PCDHA3: variants seen among roughly 807,000 people sequenced by gnomAD.
PCDHA3 encodes the protein protocadherin alpha 3.
PCDHA3 carries 41 observed loss-of-function variants against 62.2 expected under a neutral mutation model. The observed-to-expected ratio is 0.66, with a 90% confidence interval of 0.51 to 0.86. The LOEUF (loss-of-function observed/expected upper bound fraction) is 0.86. Among genes scored for constraint, PCDHA3 ranks in the 40% least tolerant of loss-of-function variants. PCDHA3 has a pLI of 0.00. For synonymous variants in PCDHA3, 640 were observed against 555.4 expected (o/e 1.15, Z -2.14); for missense variants, 1,304 against 1,241.2 (o/e 1.05, Z -0.76).
At chr5:140,973,886 T>C (rs887432391) in intron 1 of PCDHA3, among the ~76,000 whole-genome samples, 2 of 152,242 alleles carry the variant, frequency 1.3e-5, no homozygotes, top group African/African-American at 4.8e-5. Flanking sequence ...TAATGTCAAT[T>C]TGCAAATGTT....
intron 1 of PCDHA3, among the ~76,000 whole-genome samples, chr5:140,926,169 G>C (rs1212199081): frequency 6.6e-6 from 1 of 151,734 alleles, no homozygotes; most frequent in Non-Finnish European, 1.5e-5. Flanking sequence ...GCAGGATCCA[G>C]CGCGGAAAGC....
At chr5:140,937,402 CACA>C (rs1329840101) in intron 1 of PCDHA3, among the ~76,000 whole-genome samples, 1 of 152,034 alleles carries the variant, frequency 6.6e-6, no homozygotes, top group African/African-American at 2.4e-5. Flanking sequence ...AGGGGTATTG[CACA>C]ACTTTTATTA....
In PCDHA3 at chr5:140,969,339, A is replaced by G. The variant is rs1563390643; in HGVS notation, c.2395-9610A>G. On this transcript the variant is annotated intron_variant, in intron 1 of 3. Transcript: ENST00000522353. ...GCTGTTTCTCAAAATGAGGTGAGAC[A>G]GTGGTCAGGGGGTCTTCTACAAACT... 5 of 1,613,830 alleles carry G rather than the reference A, an allele frequency of 3.1e-6. No homozygotes were observed. The South Asian group carries it at 4.4e-5, about 14-fold the overall frequency.
chr5:140,837,762 A>G (rs1775250265), intron 1 of PCDHA3, among the ~76,000 whole-genome samples: 2 of 151,650 alleles, frequency 1.3e-5, no homozygotes, highest in Non-Finnish European at 2.9e-5. Context: ...CTGCAACCTG[A>G]AAGTCCTGGG....
At position 140,858,582 on chromosome 5, in the gene PCDHA3, A is replaced by G; in HGVS notation, c.2394+54991A>G. ...ATTTCTAGTGATACCTTTGTAATAT[A>G]ATTTATTCCAGGAGTTTTAAAATTT... On this transcript the variant is annotated intron_variant, in intron 1 of 3. Transcript: ENST00000522353. The G allele has an allele frequency of 1.5e-6, 2 of 1,346,266 alleles. 1 individual carries two copies. Among genetic ancestry groups the G allele is most frequent in the Non-Finnish European group, 2.0e-6 (2 of 983,500 alleles). The allele number at this position is 1,346,266 out of a possible 1,614,324, so 83.4% of individuals were successfully genotyped here. A position where few individuals can be genotyped will look rare whatever the true frequency, so the allele number is the denominator to read the frequency against.
intron 1 of PCDHA3, chr5:140,829,178 G>C (rs2150163501): frequency 6.2e-7 from 1 of 1,614,150 alleles, no homozygotes; most frequent in South Asian, 1.1e-5. Context: ...ACGTGAAGAC[G>C]CTCAATTTGG....
intron 1 of PCDHA3, chr5:140,966,814 C>T: frequency 1.9e-6 from 3 of 1,552,444 alleles, no homozygotes; most frequent in East Asian, 2.4e-5. Context: ...ATCCACGGCT[C>T]CGGCGGCCCA....
intron 1 of PCDHA3, chr5:140,829,711 G>C (rs2150173108): frequency 2.5e-5 from 41 of 1,613,342 alleles, no homozygotes; most frequent in South Asian, 8.8e-5. Context: ...CGCGCGACGC[G>C]GGCGTGCCGC....
At chr5:140,955,065 T>C (rs1258214145) in intron 1 of PCDHA3, among the ~76,000 whole-genome samples, 8 of 152,214 alleles carry the variant, frequency 5.3e-5, no homozygotes, top group Admixed American at 3.3e-4. Context: ...GTCAGGTTTG[T>C]TGAAGATCAG....
At position 140,909,749 on chromosome 5, in the gene PCDHA3, C is replaced by G. The variant is rs141984152; in HGVS notation, c.2395-69200C>G. On this transcript the variant is annotated intron_variant, in intron 1 of 3. Coordinates refer to ENST00000522353, the MANE Select transcript of PCDHA3 (RefSeq NM_018906.3). ...ATGCATTCTGGCACTGGGGAAATGA[C>G]CACAGGATGAGTCCAGGGACCCACT... 2.0e-3 allele frequency among the ~76,000 whole-genome samples: 298 copies of G among 152,232 alleles called. 1 individual carries two copies. Among genetic ancestry groups the G allele is most frequent in the African/African-American group, 6.9e-3 (285 of 41,526 alleles).
chr5:140,823,194 C>A (rs1767597632), intron 1 of PCDHA3: 1 of 1,613,896 alleles, frequency 6.2e-7, no homozygotes, highest in Non-Finnish European at 8.5e-7. Context: ...GCTGCCACAT[C>A]TTCACGGTGT....
intron 3 of PCDHA3, among the ~76,000 whole-genome samples, chr5:140,990,586 A>G (rs544396898): frequency 7.2e-5 from 11 of 152,284 alleles, no homozygotes; most frequent in African/African-American, 2.6e-4. Flanking sequence ...CTTTTCCTAT[A>G]ATCACCTGGA....
At chr5:140,926,722 C>A in intron 1 of PCDHA3, 1 of 1,027,126 alleles carries the variant, frequency 9.7e-7, no homozygotes, top group East Asian at 3.0e-5. Flanking sequence ...CCCGGCAATG[C>A]CGGCGTTCGG....
chr5:140,801,587 G>C lies in PCDHA3; in HGVS notation c.390G>C (p.Ala130=). The C allele has an allele frequency of 6.2e-7, 1 of 1,614,210 alleles. No individual in the cohort carries two copies. Among genetic ancestry groups the C allele is most frequent in the South Asian group, 1.1e-5 (1 of 91,090 alleles). Residue 130 remains alanine (A), a synonymous_variant, in exon 1 of 4, where the codon GCG becomes GCC. Coordinates refer to ENST00000522353, the MANE Select transcript of PCDHA3 (RefSeq NM_018906.3). ...AAGTGAAGGACATTAATGACAACGC[G>C]CCAGTTTTTCCAATGGCTGTAAAGA... ...EVEVKDINDN[A]PVFPMAVKNL...
intron 1 of PCDHA3, chr5:140,877,590 G>T: frequency 1.2e-6 from 2 of 1,613,826 alleles, no homozygotes; most frequent in Non-Finnish European, 1.7e-6. Flanking sequence ...CCATCTGTGC[G>T]GTGTCCAGCC....
At position 140,853,857 on chromosome 5, in the gene PCDHA3, A is replaced by C. The variant is rs2042888129; in HGVS notation, c.2394+50266A>C. ...AATTTTAGATCCATAGCCCTATTTG[A>C]TACTTGACAGTGCAAGTTTCTGTAA... On this transcript the variant is annotated intron_variant, in intron 1 of 3. Transcript: ENST00000522353. 6.1e-6 allele frequency: 6 copies of C among 985,610 alleles called. 1 individual carries two copies. The highest frequency in any genetic ancestry group is 7.3e-6 in the Non-Finnish European group (6 of 817,684). 61.1% of individuals were successfully genotyped at this position (985,610 alleles called of 1,614,324 possible).
Position 140,991,900 on chromosome 5 carries a change from ATCCC to A in PCDHA3, c.2542+9339_2542+9342del, listed in dbSNP as rs576684602. Reference sequence around the variant, plus strand: ...GGCTGCCATAACAAATTAACACAAAATCCCTTTTGCCATGTAACATAACATATTC... The same window carrying A: ...GGCTGCCATAACAAATTAACACAAAATTTTGCCATGTAACATAACATATTC... On this transcript the variant is annotated intron_variant, in intron 3 of 3. Coordinates refer to ENST00000522353, the MANE Select transcript of PCDHA3 (RefSeq NM_018906.3). Among the ~76,000 whole-genome samples, 390 of 152,250 alleles carry A rather than the reference ATCCC, an allele frequency of 2.6e-3. 2 individuals carry two copies. The highest frequency in any genetic ancestry group is 4.8e-3 in the South Asian group (23 of 4,818).
chr5:140,872,424 C>T (rs534204647), intron 1 of PCDHA3, among the ~76,000 whole-genome samples: 4 of 152,028 alleles, frequency 2.6e-5, no homozygotes, highest in South Asian at 2.1e-4. Context: ...CCCAAGAGTT[C>T]GAGGCCTGCC....
rs2150360894 is a variant in PCDHA3, at chr5:140,843,474, A to G, written c.2394+39883A>G. 2.5e-6 allele frequency: 4 copies of G among 1,595,796 alleles called. No homozygotes were observed. The East Asian group carries it at 6.7e-5, about 27-fold the overall frequency. ...CTGCTGGTGCTCACGCTGCTGCTGTACACTGCGCTGCGGTGCTCAGCACTG... is the reference window on the plus strand; with the variant it reads ...CTGCTGGTGCTCACGCTGCTGCTGTGCACTGCGCTGCGGTGCTCAGCACTG... On this transcript the variant is annotated intron_variant, in intron 1 of 3. Transcript: ENST00000522353.
Sources: allele counts gnomAD v4.1 joint callset (sites outside exome capture counted in the v4.1 genomes callset), GRCh38; gene constraint gnomAD v4.1.1; transcripts MANE v1.5; gene names NCBI Gene and HGNC (gene_info 2026-07-23, HGNC 2026-07-21).